The following SPHKAP variants were observed in gnomAD, a reference collection of about 807,000 sequenced individuals.
The protein encoded by SPHKAP is A-kinase anchor protein SPHKAP.
Under a neutral mutation model 137.5 loss-of-function variants are expected in SPHKAP, and 67 were observed. The ratio of observed to expected loss-of-function variants is 0.49; its 90% CI spans 0.40 to 0.60. The LOEUF is 0.60. SPHKAP is among the 20% of genes least tolerant of loss of function. The probability of loss-of-function intolerance (pLI) is 0.00; values close to 1 mark genes in which losing one functional copy is unlikely to be tolerated. For synonymous variants in SPHKAP, 813 were observed against 785.3 expected (o/e 1.04, Z -0.59); for missense variants, 2,097 against 2,069.3 (o/e 1.01, Z -0.26).
At chr2:228,067,711 A>G (rs1375145003) in intron 3 of SPHKAP, among the ~76,000 whole-genome samples, 1 of 152,320 alleles carries the variant, frequency 6.6e-6, no homozygotes, top group East Asian at 1.9e-4. Flanking sequence ...TAGAAGAAAA[A>G]ATGACACTGA....
chr2:228,113,651 G>C lies in SPHKAP; in HGVS notation c.139-4712C>G, dbSNP rs143556199. ...TCTCTCTCTCTCTCTCTCTCTCTCT[G>C]AGCTCAGGTGTGTTCAGGAGGTTTG... On this transcript the variant is annotated intron_variant, in intron 2 of 11. Transcript: ENST00000392056. Among the ~76,000 whole-genome samples, 811 of 83,598 alleles carry C rather than the reference G, an allele frequency of 9.7e-3. 10 individuals carry two copies. Among genetic ancestry groups the C allele is most frequent in the Non-Finnish European group, 0.015 (553 of 35,988 alleles). The allele number at this position is 83,598 out of a possible 152,430, so 54.8% of individuals were successfully genotyped here. A position where few individuals can be genotyped will look rare whatever the true frequency, so the allele number is the denominator to read the frequency against.
At chr2:228,161,513 G>A (rs532133709) in intron 1 of SPHKAP, among the ~76,000 whole-genome samples, 4 of 152,260 alleles carry the variant, frequency 2.6e-5, no homozygotes, top group East Asian at 1.9e-4. Flanking sequence ...ATGAGAACAC[G>A]TGGACACAGG....
intron 7 of SPHKAP, among the ~76,000 whole-genome samples, chr2:228,008,668 A>G (rs1045993406): frequency 7.7e-6 from 1 of 129,852 alleles, no homozygotes; most frequent in African/African-American, 3.2e-5. Context: ...CAAATGGTGT[A>G]ATGTGTCTGG....
intron 1 of SPHKAP, among the ~76,000 whole-genome samples, chr2:228,142,411 G>T (rs992672519): frequency 6.6e-6 from 1 of 151,902 alleles, no homozygotes; most frequent in Non-Finnish European, 1.5e-5. Flanking sequence ...GGCAGAGCTT[G>T]CAGTGAGCCG....
intron 3 of SPHKAP, among the ~76,000 whole-genome samples, chr2:228,092,135 G>A (rs62201107): frequency 0.98 from 137,774 of 140,988 alleles, 67,319 homozygotes; most frequent in South Asian, 0.99. Context: ...ACGTATATGT[G>A]TGTACACATA....
chr2:228,028,092 A>G (rs527606352), intron 3 of SPHKAP: 1 of 984,090 alleles, frequency 1.0e-6, no homozygotes, highest in East Asian at 1.1e-4. Flanking sequence ...ATGGCCCAAC[A>G]TACTAAAAAA....
intron 5 of SPHKAP, among the ~76,000 whole-genome samples, chr2:228,024,098 A>G (rs539069159): frequency 2.0e-5 from 3 of 152,290 alleles, no homozygotes; most frequent in Admixed American, 2.0e-4. Flanking sequence ...TAAGTCTCTA[A>G]TCTACTCCTG....
chr2:228,005,300 A>G (rs1190185861), intron 7 of SPHKAP, among the ~76,000 whole-genome samples: 1 of 152,124 alleles, frequency 6.6e-6, no homozygotes, highest in Non-Finnish European at 1.5e-5. Flanking sequence ...TCCCTTTACC[A>G]TTATGTAATG....
In SPHKAP at chr2:228,018,149, G is replaced by A. The variant is rs773578454; in HGVS notation, c.2705C>T (p.Ser902Phe). 1 of 1,614,028 alleles carries A rather than the reference G, an allele frequency of 6.2e-7. No individual in the cohort carries two copies. The highest frequency in any genetic ancestry group is 8.5e-7 in the Non-Finnish European group (1 of 1,180,044). ...SRINEVQVNL[S>F]LLGDDLLLPA... ...AAGCAGCAGGTCATCCCCTAACAAG[G>A]ACAGGTTGACTTGAACTTCGTTGAT... The change falls in exon 7 of 12, where the codon TCC (serine) becomes TTC (phenylalanine). Residue 902 changes from serine to phenylalanine, a missense_variant. Ser to Phe is a radical substitution (Grantham distance 155, BLOSUM62 -2). Transcript: ENST00000392056.
chr2:228,066,627 G>C (rs772819075), intron 3 of SPHKAP, among the ~76,000 whole-genome samples: 9 of 152,216 alleles, frequency 5.9e-5, no homozygotes, highest in African/African-American at 9.6e-5. Flanking sequence ...GGGCAGTGGA[G>C]CCAGGGCCCA....
chr2:228,115,912 G>A (rs1040316028), intron 2 of SPHKAP, among the ~76,000 whole-genome samples: 1 of 152,110 alleles, frequency 6.6e-6, no homozygotes, highest in Non-Finnish European at 1.5e-5. Flanking sequence ...TAGGTTAAAA[G>A]GGCTCTGCCC....
intron 3 of SPHKAP, among the ~76,000 whole-genome samples, chr2:228,035,338 C>CTCTT (rs1246785934): frequency 1.3e-5 from 2 of 151,892 alleles, no homozygotes; most frequent in African/African-American, 4.8e-5. Flanking sequence ...TGTGAAGGAC[C>CTCTT]TCTTCAAGGA....
At chr2:228,126,352 G>A (rs1034622618) in intron 2 of SPHKAP, among the ~76,000 whole-genome samples, 1 of 152,204 alleles carries the variant, frequency 6.6e-6, no homozygotes, top group East Asian at 1.9e-4. Context: ...TGGATTGAAA[G>A]TGTTTGTTTA....
At chr2:228,104,650 G>C (rs1439512358) in intron 3 of SPHKAP, among the ~76,000 whole-genome samples, 1 of 152,040 alleles carries the variant, frequency 6.6e-6, no homozygotes, top group African/African-American at 2.4e-5. Context: ...AATGTTGAAG[G>C]CTGCTTGAGA....
At chr2:228,006,564 T>A (rs1694146379) in intron 7 of SPHKAP, among the ~76,000 whole-genome samples, 1 of 152,192 alleles carries the variant, frequency 6.6e-6, no homozygotes. Flanking sequence ...TCCGTCCAGC[T>A]TTGTTCTGTT....
chr2:228,082,899 C>T lies in SPHKAP; in HGVS notation c.246+25933G>A, dbSNP rs141977990. On this transcript the variant is annotated intron_variant, in intron 3 of 11. Transcript: ENST00000392056. ...AACTCTTTTTTTAATTGAAGTGATT[C>T]ATGAAGTCACATAAATTAGGAGTGG... is the stretch of plus-strand genomic sequence containing the variant. 1.8e-3 allele frequency among the ~76,000 whole-genome samples: 279 copies of T among 152,244 alleles called. 1 individual carries two copies. Among genetic ancestry groups the T allele is most frequent in the African/African-American group, 6.3e-3 (263 of 41,538 alleles).
At chr2:228,074,898 A>T (rs1346786794) in intron 3 of SPHKAP, among the ~76,000 whole-genome samples, 1 of 151,848 alleles carries the variant, frequency 6.6e-6, no homozygotes, top group Non-Finnish European at 1.5e-5. Flanking sequence ...TTACTTGACA[A>T]CATGTATTCC....
rs769323258 is a variant in SPHKAP at position 228,017,705 on chromosome 2, G to A, written c.3149C>T (p.Thr1050Met). Residue 1050 changes from threonine to methionine, a missense_variant, in exon 7 of 12, where the codon ACG becomes ATG. By Grantham distance (81) the Thr-to-Met change is moderately conservative. Coordinates refer to ENST00000392056, the MANE Select transcript of SPHKAP (RefSeq NM_001142644.2). ...CATGCCGTCCACCATAGAGAACTCC[G>A]TTAGGTTCATGATCTTGGCTGCCAC... ...NEVAAKIMNL[T>M]EFSMVDGMWQ... The A allele has an allele frequency of 6.8e-6, 11 of 1,613,884 alleles. No homozygotes were observed. The highest frequency in any genetic ancestry group is 2.7e-5 in the African/African-American group (2 of 74,920).
rs781105956 is a variant in SPHKAP, at chr2:227,991,162, C to G, written c.4797G>C (p.Thr1599=). 6.2e-7 allele frequency: 1 copy of G among 1,614,052 alleles called. No homozygotes were observed. The highest frequency in any genetic ancestry group is 1.3e-5 in the African/African-American group (1 of 75,044). Reference sequence around the variant, plus strand: ...GGCTCCTCTGGGGGCTGGCTGTTCCCGTAGGCGGTCCAGATGCAGGTGCTG... The same window carrying G: ...GGCTCCTCTGGGGGCTGGCTGTTCCGGTAGGCGGTCCAGATGCAGGTGCTG... ...STEAPASGPP[T]GTASPQRSLL... Residue 1599 remains threonine (T), a synonymous_variant, in exon 11 of 12, where the codon ACG becomes ACC. Coordinates refer to ENST00000392056, the MANE Select transcript of SPHKAP (RefSeq NM_001142644.2).
Sources: gnomAD v4.1 joint callset for allele counts (sites outside exome capture counted in the v4.1 genomes callset) on GRCh38, gnomAD v4.1.1 for gene constraint, MANE v1.5 for transcripts, NCBI Gene and HGNC (gene_info 2026-07-23, HGNC 2026-07-21) for gene names.